TTC3: variants seen among roughly 807,000 people sequenced by gnomAD.
TTC3 encodes the protein tetratricopeptide repeat domain 3.
TTC3 carries 180 observed loss-of-function variants against 249.6 expected under a neutral mutation model. The observed-to-expected ratio is 0.72, with a 90% CI of 0.64 to 0.82. The LOEUF is 0.82. Among genes scored for constraint, TTC3 ranks in the 40% least tolerant of loss-of-function variants. The pLI, the probability that TTC3 is intolerant of heterozygous loss-of-function variation, is 0.00. For synonymous variants in TTC3, 717 were observed against 805.0 expected (o/e 0.89, Z 1.85); for missense variants, 2,061 against 2,398.4 (o/e 0.86, Z 2.94).
intron 35 of TTC3, among the ~76,000 whole-genome samples, chr21:37,174,036 G>T (rs1031728464): frequency 3.3e-5 from 5 of 152,220 alleles, no homozygotes; most frequent in Admixed American, 1.3e-4. Context: ...TGATGAGGCA[G>T]ATTGGAGACA....
intron 36 of TTC3, 40 bp from the exon 37 acceptor site, chr21:37,185,666 T>G (rs79538331): frequency 0.015 from 21,426 of 1,384,636 alleles, 1,417 homozygotes; most frequent in African/African-American, 0.15. Context: ...GTTAAAAATT[T>G]TTCAAAATTA....
chr21:37,119,856 T>G (rs756254223), intron 11 of TTC3, among the ~76,000 whole-genome samples: 76 of 152,248 alleles, frequency 5.0e-4, no homozygotes, highest in Non-Finnish European at 9.3e-4. Context: ...GGTTTTATTT[T>G]TAAAAAGACT....
rs139960382 is a variant in TTC3, at chr21:37,073,593, G to GC, written c.-12+234dup. ...CGCCATTGCCTACCCCAGTGGGTTT[G>GC]CCCCCTTGGTCTGGTGCCCCTTCGC... On this transcript the variant is annotated intron_variant, in intron 1 of 45. Transcript: ENST00000355666. 3.8e-3 allele frequency: 2,929 copies of GC among 767,630 alleles called. 149 individuals are homozygous for GC. In the Admixed American group the frequency reaches 0.11, roughly 29 times the overall value. 47.6% of individuals were successfully genotyped at this position (767,630 alleles called of 1,614,324 possible). A position where few individuals can be genotyped will look rare whatever the true frequency, so the allele number is the denominator to read the frequency against.
intron 34 of TTC3, among the ~76,000 whole-genome samples, chr21:37,170,562 A>G (rs145400255): frequency 4.4e-4 from 67 of 152,350 alleles, no homozygotes; most frequent in African/African-American, 1.5e-3. Flanking sequence ...AATACAATCT[A>G]AACCTCCATC....
intron 10 of TTC3, among the ~76,000 whole-genome samples, chr21:37,105,175 G>C (rs1390897696): frequency 2.4e-4 from 37 of 152,162 alleles, no homozygotes; most frequent in Non-Finnish European, 2.9e-5. Context: ...CTAACCTTAG[G>C]GGGAGCTGTC....
intron 34 of TTC3, among the ~76,000 whole-genome samples, 163 bp from the exon 35 acceptor site, chr21:37,172,432 A>G (rs1256164188): frequency 6.6e-6 from 1 of 152,218 alleles, no homozygotes; most frequent in East Asian, 1.9e-4. Flanking sequence ...TTTGCTAAGC[A>G]GTGTTTAGGG....
chr21:37,184,054 AG>A (rs1487353542), intron 36 of TTC3, among the ~76,000 whole-genome samples: 2 of 152,124 alleles, frequency 1.3e-5, no homozygotes, highest in African/African-American at 4.8e-5. Flanking sequence ...TCAAACAATG[AG>A]GAAAAGTAAA....
chr21:37,083,093 C>T, intron 1 of TTC3: 8 of 985,308 alleles, frequency 8.1e-6, no homozygotes, highest in Non-Finnish European at 9.6e-6. Flanking sequence ...GCAGGGTGCT[C>T]TTGTTTACAG....
rs758118098 is a variant in TTC3 at position 37,197,966 on chromosome 21, G to T, written c.5791G>T (p.Val1931Phe). 53 of 1,613,904 alleles carry T rather than the reference G, an allele frequency of 3.3e-5. 1 individual carries two copies. In the South Asian group the frequency reaches 5.7e-4, roughly 17 times the overall value. The change falls in exon 44 of 46, where the codon GTT (valine) becomes TTT (phenylalanine). Residue 1931 changes from valine to phenylalanine, a missense_variant. Around this residue, in one of 3 missense-constraint regions of TTC3, gnomAD observed 1,040 missense variants for 1,186.1 expected, o/e 0.88. Transcript: ENST00000355666. ...GTCCTCCCAGGGCTCACCCTCGGTG[G>T]TTGTTGCACCATCACCCAAAACCAA...
At chr21:37,108,555 A>C (rs1174581289) in intron 11 of TTC3, 109 bp downstream of exon 11, 1 of 1,071,480 alleles carries the variant, frequency 9.3e-7, no homozygotes, top group Non-Finnish European at 1.3e-6. Flanking sequence ...AATTACGTAG[A>C]GCTCCAGAAT....
chr21:37,137,475 G>A (rs952323883), intron 18 of TTC3, among the ~76,000 whole-genome samples: 2 of 152,198 alleles, frequency 1.3e-5, no homozygotes, highest in Non-Finnish European at 2.9e-5. Flanking sequence ...TGCAGATGTG[G>A]TGGAACAAGC....
At chr21:37,194,298 GT>G (rs2084593017) in intron 41 of TTC3, among the ~76,000 whole-genome samples, 2 of 152,194 alleles carry the variant, frequency 1.3e-5, no homozygotes. Flanking sequence ...TAATTCCTAA[GT>G]TTTAAATTGC....
intron 11 of TTC3, among the ~76,000 whole-genome samples, chr21:37,111,396 T>C (rs1385193445): frequency 1.3e-5 from 2 of 152,118 alleles, no homozygotes; most frequent in African/African-American, 4.8e-5. Flanking sequence ...AGGCAGGGGT[T>C]GCAATCCTAG....
intron 1 of TTC3, among the ~76,000 whole-genome samples, chr21:37,076,800 T>G (rs1019025968): frequency 6.9e-6 from 1 of 144,570 alleles, no homozygotes; most frequent in Non-Finnish European, 1.5e-5. Flanking sequence ...CCTCCCAAGT[T>G]CAAGTGATTC....
At chr21:37,099,812 A>G (rs1384479363) in intron 10 of TTC3, among the ~76,000 whole-genome samples, 1 of 152,202 alleles carries the variant, frequency 6.6e-6, no homozygotes, top group East Asian at 1.9e-4. Flanking sequence ...TCAAATGTGT[A>G]CCCAAGAAGA....
rs912583690 is a variant in TTC3 at position 37,200,474 on chromosome 21, C to G, written c.5943+150C>G. 24 of 825,022 alleles carry G rather than the reference C, an allele frequency of 2.9e-5. No homozygotes were observed. The African/African-American group carries it at 3.6e-4, about 13-fold the overall frequency. The allele number at this position is 825,022 out of a possible 1,614,324, so 51.1% of individuals were successfully genotyped here. On this transcript the variant is annotated intron_variant, in intron 45 of 45. Transcript: ENST00000355666. The stretch of plus-strand genomic sequence containing the variant: ...CCTCCCGTGTCAGTGTTCAGTGCCT[C>G]CCTGTCCTCACACCAGCTCTGCAGG...
At chr21:37,100,516 C>T (rs201805820) in intron 10 of TTC3, among the ~76,000 whole-genome samples, 1 of 151,484 alleles carries the variant, frequency 6.6e-6, no homozygotes, top group Non-Finnish European at 1.5e-5. Context: ...ATGCTTCCTT[C>T]TGGTGGCAGT....
At chr21:37,099,058 A>T (rs961007330) in intron 10 of TTC3, 4 of 152,226 alleles carry the variant, frequency 2.6e-5, no homozygotes, top group Non-Finnish European at 5.9e-5. Context: ...TGAGATGTCC[A>T]AAGAGAACAG....
Position 37,103,127 on chromosome 21 carries a change from A to C in TTC3, c.846-5265A>C, listed in dbSNP as rs79570843. Among the ~76,000 whole-genome samples the C allele has an allele frequency of 2.9e-3, 446 of 152,336 alleles. 2 individuals carry two copies. Among genetic ancestry groups the C allele is most frequent in the African/African-American group, 0.01 (423 of 41,570 alleles). On this transcript the variant is annotated intron_variant, in intron 10 of 45. Coordinates refer to ENST00000355666, the Ensembl canonical transcript of TTC3. ...TGTTAGCCAAGGGTGGGGAGAGGAAAGAGTTCAGGAATAATTAGCAAATCC... is the reference window on the plus strand; with the variant it reads ...TGTTAGCCAAGGGTGGGGAGAGGAACGAGTTCAGGAATAATTAGCAAATCC...
Sources: gnomAD v4.1 joint callset for allele counts (sites outside exome capture counted in the v4.1 genomes callset) on GRCh38, gnomAD v4.1.1 for gene constraint, gnomAD v4.1.1 regional missense constraint, MANE v1.5 for transcripts, NCBI Gene and HGNC (gene_info 2026-07-23, HGNC 2026-07-21) for gene names.